The following DSCAM variants were observed in gnomAD, a reference collection of about 807,000 sequenced individuals.
DSCAM encodes DS cell adhesion molecule.
Under a neutral mutation model 217.7 loss-of-function variants are expected in DSCAM, and 47 were observed. That is an observed-to-expected ratio of 0.22 (90% confidence interval 0.17 to 0.28). The LOEUF is 0.28. DSCAM is among the 10% of genes least tolerant of loss of function. DSCAM has a pLI of 1.00. For missense variants in DSCAM, 2,080 were observed against 2,618.3 expected, an observed-to-expected ratio of 0.79 and a Z score of 4.49; for synonymous variants, 1,056 against 1,015.3, an observed-to-expected ratio of 1.04 and a Z score of -0.76.
At chr21:40,320,542 T>C (rs2074248062) in intron 8 of DSCAM, among the ~76,000 whole-genome samples, 1 of 152,222 alleles carries the variant, frequency 6.6e-6, no homozygotes, top group South Asian at 2.1e-4. Flanking sequence ...TCCATTTTCA[T>C]GCTGTGGATA....
chr21:40,653,925 T>C (rs1391214665), intron 3 of DSCAM, among the ~76,000 whole-genome samples: 1 of 151,864 alleles, frequency 6.6e-6, no homozygotes, highest in South Asian at 2.1e-4. Flanking sequence ...TGAAACCCCA[T>C]CTCTACTAAA....
intron 3 of DSCAM, among the ~76,000 whole-genome samples, chr21:40,539,027 C>A (rs1418751642): frequency 6.6e-6 from 1 of 152,100 alleles, no homozygotes; most frequent in African/African-American, 2.4e-5. Context: ...TAGAACAAAA[C>A]TTGGGACTAG....
intron 18 of DSCAM, among the ~76,000 whole-genome samples, chr21:40,136,967 C>T (rs1340801273): frequency 2.0e-5 from 3 of 151,854 alleles, no homozygotes; most frequent in African/African-American, 7.3e-5. Flanking sequence ...GAGGTCAAGA[C>T]ATCGAGACCA....
intron 3 of DSCAM, among the ~76,000 whole-genome samples, chr21:40,392,763 C>T (rs1357983499): frequency 6.6e-6 from 1 of 152,100 alleles, no homozygotes; most frequent in East Asian, 1.9e-4. Flanking sequence ...CCATAAAGGA[C>T]CAAAGAGCAG....
intron 8 of DSCAM, among the ~76,000 whole-genome samples, chr21:40,317,849 T>C (rs1169059902): frequency 1.3e-5 from 2 of 152,142 alleles, no homozygotes; most frequent in African/African-American, 2.4e-5. Context: ...TTCATTTTGA[T>C]TGAATAATGT....
chr21:40,654,437 T>C (rs2090050584), intron 3 of DSCAM, among the ~76,000 whole-genome samples: 1 of 152,220 alleles, frequency 6.6e-6, no homozygotes, highest in Admixed American at 6.5e-5. Flanking sequence ...GATTGTTCAC[T>C]GCACTAAATT....
chr21:40,696,089 A>C (rs1302892260), intron 2 of DSCAM, among the ~76,000 whole-genome samples: 2 of 152,180 alleles, frequency 1.3e-5, no homozygotes, highest in African/African-American at 2.4e-5. Context: ...AGGCAAAAAA[A>C]AAAATACACT....
rs112901114 is a variant in DSCAM, at chr21:40,605,326, G to A, written c.508+87484C>T. Among the ~76,000 whole-genome samples, 946 of 152,212 alleles carry A rather than the reference G, an allele frequency of 6.2e-3. 7 individuals are homozygous for A. Among genetic ancestry groups the A allele is most frequent in the African/African-American group, 0.022 (893 of 41,528 alleles). ...ATTGCAGACCAGTGGTTTGCCCTGT[G>A]ACCTCAATCCTCTGATGAATCCAGA... On this transcript the variant is annotated intron_variant, in intron 3 of 32. Coordinates refer to ENST00000400454, the MANE Select transcript of DSCAM (RefSeq NM_001389.5).
chr21:40,524,079 A>G (rs953052645), intron 3 of DSCAM, among the ~76,000 whole-genome samples: 1 of 152,244 alleles, frequency 6.6e-6, no homozygotes, highest in Admixed American at 6.5e-5. Flanking sequence ...GCCAGTAGCT[A>G]CCATTTAAAC....
chr21:40,378,372 T>G lies in DSCAM; in HGVS notation c.509-9127A>C, dbSNP rs73229145. On this transcript the variant is annotated intron_variant, in intron 3 of 32. Transcript: ENST00000400454. ...AAATAAAAACCTCTATAGGTGGGCA[T>G]GTAAATTGGTGAAGCCTTTTGATTT... Among the ~76,000 whole-genome samples, 233 of 152,176 alleles carry G rather than the reference T, an allele frequency of 1.5e-3. 1 individual carries two copies. In the Middle Eastern group the frequency reaches 0.02, roughly 13 times the overall value.
At chr21:40,260,997 C>T (rs1292876551) in intron 11 of DSCAM, among the ~76,000 whole-genome samples, 3 of 152,200 alleles carry the variant, frequency 2.0e-5, no homozygotes, top group East Asian at 3.9e-4. Context: ...GCTCTGTGAC[C>T]GAGATGGATC....
chr21:40,789,624 T>C (rs1490734647), intron 1 of DSCAM, among the ~76,000 whole-genome samples: 48 of 150,878 alleles, frequency 3.2e-4, no homozygotes, highest in Non-Finnish European at 3.2e-4. Context: ...GGCACCATGT[T>C]GGCTCACTGC....
chr21:40,572,040 G>C (rs2076810386), intron 3 of DSCAM, among the ~76,000 whole-genome samples: 1 of 151,832 alleles, frequency 6.6e-6, no homozygotes, highest in South Asian at 2.1e-4. Flanking sequence ...AACATTTCTG[G>C]TACCAAGCAC....
At chr21:40,321,654 A>G (rs1015581991) in intron 8 of DSCAM, among the ~76,000 whole-genome samples, 1 of 144,152 alleles carries the variant, frequency 6.9e-6, no homozygotes, top group African/African-American at 2.6e-5. Flanking sequence ...ACTGTGATAT[A>G]CCTTACCCAC....
At chr21:40,559,782 CTGTCT>C (rs1330634772) in intron 3 of DSCAM, among the ~76,000 whole-genome samples, 102 of 111,438 alleles carry the variant, frequency 9.2e-4, no homozygotes, top group African/African-American at 2.5e-3. Context: ...TTAAAATTTT[CTGTCT>C]TTTTTTTTTT....
chr21:40,817,748 A>G (rs2091892158), intron 1 of DSCAM, among the ~76,000 whole-genome samples: 1 of 152,204 alleles, frequency 6.6e-6, no homozygotes. Context: ...GTCATCATTT[A>G]TATGACAGAG....
At chr21:40,033,245 G>C (rs2088563573) in intron 32 of DSCAM, among the ~76,000 whole-genome samples, 1 of 152,172 alleles carries the variant, frequency 6.6e-6, no homozygotes, top group African/African-American at 2.4e-5. Flanking sequence ...GGTGATTTCG[G>C]CATTTCCATC....
At chr21:40,776,801 T>G (rs1226150857) in intron 1 of DSCAM, among the ~76,000 whole-genome samples, 1 of 152,118 alleles carries the variant, frequency 6.6e-6, no homozygotes, top group African/African-American at 2.4e-5. Flanking sequence ...ATAATGAGAG[T>G]GTTCTTCTTA....
chr21:40,011,142 A>AT lies in DSCAM; in HGVS notation c.*1891dup, dbSNP rs1027965373. On this transcript the variant is annotated 3_prime_UTR_variant, in exon 33 of 33. Coordinates refer to ENST00000400454, the MANE Select transcript of DSCAM (RefSeq NM_001389.5). Reference sequence around the variant, plus strand: ...CCCCAGAAAGTAACATTTCTTTTGCATAAAAAAAAAACAGTCTGAGAGTAT... The same window carrying AT: ...CCCCAGAAAGTAACATTTCTTTTGCATTAAAAAAAAAACAGTCTGAGAGTAT... 1.3e-5 allele frequency: 2 copies of AT among 151,846 alleles called. No homozygotes were observed. The highest frequency in any genetic ancestry group is 2.4e-5 in the African/African-American group (1 of 41,194). The allele number at this position is 151,846 out of a possible 1,614,324, so 9.4% of individuals were successfully genotyped here.
Sources: allele counts gnomAD v4.1 joint callset (sites outside exome capture counted in the v4.1 genomes callset), GRCh38; gene constraint gnomAD v4.1.1; transcripts MANE v1.5; gene names NCBI Gene and HGNC (gene_info 2026-07-23, HGNC 2026-07-21).